SNTG2: variants seen among roughly 807,000 people sequenced by gnomAD.
The protein encoded by SNTG2 is gamma-2-syntrophin.
A neutral mutation model predicts 70.9 loss-of-function variants in SNTG2; 74 were observed. The observed-to-expected ratio is 1.04, with a 90% CI of 0.86 to 1.27. The LOEUF is 1.27. SNTG2 is among the 50% of genes most tolerant of loss of function. The pLI is 0.00. For synonymous variants in SNTG2, 278 were observed against 273.8 expected, an observed-to-expected ratio of 1.02 and a Z score of -0.15; for missense variants, 717 against 690.7, an observed-to-expected ratio of 1.04 and a Z score of -0.43.
At chr2:1,033,312 T>G (rs1572262603) in intron 1 of SNTG2, among the ~76,000 whole-genome samples, 1 of 152,130 alleles carries the variant, frequency 6.6e-6, no homozygotes, top group Non-Finnish European at 1.5e-5. Flanking sequence ...CTGAGTCAGG[T>G]CAACAAAGAC....
chr2:1,282,165 G>T (rs1331854797), intron 14 of SNTG2, among the ~76,000 whole-genome samples: 1 of 152,090 alleles, frequency 6.6e-6, no homozygotes, highest in Non-Finnish European at 1.5e-5. Context: ...TGTCCTTCCC[G>T]TGGCTCTTTT....
rs543337362 is a variant in SNTG2, at chr2:1,161,901, C to T, written c.412-3647C>T. 1.2e-4 allele frequency among the ~76,000 whole-genome samples: 18 copies of T among 151,916 alleles called. No homozygotes were observed. The South Asian group carries it at 2.1e-3, about 18-fold the overall frequency. On this transcript the variant is annotated intron_variant, in intron 6 of 16. Transcript: ENST00000308624. Reference sequence around the variant, plus strand: ...CATCCTGGCTAACACGGTGAAACCCCGTCTCTACTAAAAATACAAAAAATT... The same window carrying T: ...CATCCTGGCTAACACGGTGAAACCCTGTCTCTACTAAAAATACAAAAAATT...
chr2:1,029,682 C>T (rs1042993461), intron 1 of SNTG2, among the ~76,000 whole-genome samples: 1 of 152,180 alleles, frequency 6.6e-6, no homozygotes, highest in Non-Finnish European at 1.5e-5. Context: ...CTGCTGTCGC[C>T]GCCAAGGTGC....
chr2:1,214,907 C>A (rs1406306267), intron 9 of SNTG2, among the ~76,000 whole-genome samples: 2 of 152,044 alleles, frequency 1.3e-5, no homozygotes, highest in Non-Finnish European at 2.9e-5. Flanking sequence ...AAGTACATTC[C>A]CTTCATACCT....
At chr2:1,322,928 C>T (rs114766366) in intron 16 of SNTG2, among the ~76,000 whole-genome samples, 2,812 of 152,188 alleles carry the variant, frequency 0.018, 45 homozygotes, top group Non-Finnish European at 0.03. Flanking sequence ...CAGGAAGTGC[C>T]GCCGCTCAAG....
intron 6 of SNTG2, among the ~76,000 whole-genome samples, chr2:1,142,050 C>T (rs181061230): frequency 4.3e-4 from 66 of 152,334 alleles, no homozygotes; most frequent in African/African-American, 1.6e-3. Flanking sequence ...GGGCTTTCCT[C>T]AAACAGACTT....
At chr2:982,236 G>A (rs1357987115) in intron 1 of SNTG2, among the ~76,000 whole-genome samples, 1 of 152,056 alleles carries the variant, frequency 6.6e-6, no homozygotes, top group Non-Finnish European at 1.5e-5. Flanking sequence ...TTTTAATGAT[G>A]CAAAAACTTG....
At chr2:1,121,180 A>T (rs1667351889) in intron 4 of SNTG2, among the ~76,000 whole-genome samples, 1 of 152,140 alleles carries the variant, frequency 6.6e-6, no homozygotes, top group Non-Finnish European at 1.5e-5. Context: ...ATCAAAAGTG[A>T]AATTTGAAAA....
At chr2:1,218,962 T>G (rs1159416768) in intron 9 of SNTG2, among the ~76,000 whole-genome samples, 1 of 152,206 alleles carries the variant, frequency 6.6e-6, no homozygotes, top group Non-Finnish European at 1.5e-5. Context: ...TCAGTGATTT[T>G]TAATTGTGAT....
At chr2:997,832 C>T (rs1432369697) in intron 1 of SNTG2, among the ~76,000 whole-genome samples, 2 of 152,230 alleles carry the variant, frequency 1.3e-5, no homozygotes, top group Non-Finnish European at 2.9e-5. Context: ...GCTACCACCA[C>T]AACTGGCCCT....
At chr2:1,073,775 T>C (rs2148144921) in intron 1 of SNTG2, among the ~76,000 whole-genome samples, 1 of 152,374 alleles carries the variant, frequency 6.6e-6, no homozygotes, top group East Asian at 1.9e-4. Flanking sequence ...TAAGTTTATG[T>C]AATTGCTTTT....
intron 1 of SNTG2, among the ~76,000 whole-genome samples, chr2:1,036,236 G>T (rs758807596): frequency 6.6e-6 from 1 of 152,034 alleles, no homozygotes; most frequent in Admixed American, 6.6e-5. Flanking sequence ...TATATTAAAA[G>T]GGGAGATTTG....
intron 1 of SNTG2, among the ~76,000 whole-genome samples, chr2:952,613 A>G (rs1380839077): frequency 6.6e-6 from 1 of 152,228 alleles, no homozygotes; most frequent in Non-Finnish European, 1.5e-5. Context: ...TCTTTCTAAT[A>G]AGGACCTTGA....
intron 1 of SNTG2, among the ~76,000 whole-genome samples, chr2:1,062,661 A>C (rs1380879421): frequency 6.6e-6 from 1 of 152,210 alleles, no homozygotes; most frequent in East Asian, 1.9e-4. Flanking sequence ...TGTGGTACAT[A>C]AAATGTTGAG....
At chr2:1,132,413 T>C (rs535773360) in intron 4 of SNTG2, among the ~76,000 whole-genome samples, 1 of 152,226 alleles carries the variant, frequency 6.6e-6, no homozygotes, top group African/African-American at 2.4e-5. Flanking sequence ...TTGCAGAAGG[T>C]ATGACTTCAG....
intron 4 of SNTG2, among the ~76,000 whole-genome samples, chr2:1,122,067 A>G (rs1263845216): frequency 3.3e-5 from 5 of 152,192 alleles, no homozygotes; most frequent in African/African-American, 4.8e-5. Flanking sequence ...GAAAAAATAG[A>G]AAGACTGAAC....
At chr2:1,052,227 G>A (rs1438332183) in intron 1 of SNTG2, among the ~76,000 whole-genome samples, 1 of 152,108 alleles carries the variant, frequency 6.6e-6, no homozygotes, top group Non-Finnish European at 1.5e-5. Context: ...GAAATATTTA[G>A]AGGAATTCAC....
Position 1,131,247 on chromosome 2 carries a change from A to G in SNTG2, c.326-6375A>G, listed in dbSNP as rs530432699. 9.9e-5 allele frequency among the ~76,000 whole-genome samples: 15 copies of G among 152,176 alleles called. No individual in the cohort carries two copies. The East Asian group carries it at 2.7e-3, about 27-fold the overall frequency. ...AATTAGAAGATGTGTTTTGACTGAC[A>G]GTTCTTGGTGTCTGTGTTCGGCTAG... On this transcript the variant is annotated intron_variant, in intron 4 of 16. Coordinates refer to ENST00000308624, the MANE Select transcript of SNTG2 (RefSeq NM_018968.4).
intron 1 of SNTG2, among the ~76,000 whole-genome samples, chr2:1,012,126 T>C (rs1659744953): frequency 6.6e-6 from 1 of 152,200 alleles, no homozygotes; most frequent in African/African-American, 2.4e-5. Flanking sequence ...CTGCCTCCTC[T>C]TCTCCCTGAC....
Sources: gnomAD v4.1 joint callset for allele counts (sites outside exome capture counted in the v4.1 genomes callset) on GRCh38, gnomAD v4.1.1 for gene constraint, MANE v1.5 for transcripts, NCBI Gene and HGNC (gene_info 2026-07-23, HGNC 2026-07-21) for gene names.